The following MYPN variants were observed in gnomAD, a reference collection of about 807,000 sequenced individuals.
MYPN encodes the protein sarcomeric protein myopalladin, 145 kDa (MYOP).
Under a neutral mutation model 129.4 loss-of-function variants are expected in MYPN, and 63 were observed. The ratio of observed to expected loss-of-function variants is 0.49; its 90% confidence interval spans 0.40 to 0.60. The LOEUF (loss-of-function observed/expected upper bound fraction) is 0.60, where lower values mean the gene tolerates loss of function less well. Ranked by LOEUF, MYPN falls within the 20% of genes least tolerant of loss-of-function variation. MYPN has a pLI of 0.00. For synonymous variants in MYPN, 629 were observed against 600.9 expected, an observed-to-expected ratio of 1.05 and a Z score of -0.68; for missense variants, 1,596 against 1,635.4, an observed-to-expected ratio of 0.98 and a Z score of 0.42.
chr10:68,174,702 C>T (rs1395486178), intron 11 of MYPN, 46 bp downstream of exon 11: 16 of 1,564,266 alleles, frequency 1.0e-5, no homozygotes, highest in African/African-American at 1.4e-5. Context: ...AGTTAAGAGT[C>T]GATGTGCACA....
At chr10:68,091,803 C>T (rs2041932485) in intron 1 of MYPN, among the ~76,000 whole-genome samples, 1 of 149,770 alleles carries the variant, frequency 6.7e-6, no homozygotes, top group Non-Finnish European at 1.5e-5. Flanking sequence ...ATTTTGTCCT[C>T]TTTATAAAAA....
Position 68,158,585 on chromosome 10 carries a change from A to G in MYPN, c.1417A>G (p.Thr473Ala). 1 of 1,603,098 alleles carries G rather than the reference A, an allele frequency of 6.2e-7. No individual in the cohort carries two copies. Among genetic ancestry groups the G allele is most frequent in the Non-Finnish European group, 8.5e-7 (1 of 1,170,214 alleles). Reference sequence around the variant, plus strand: ...TAAGGTTGAGTGGTATAGAGAAGGGACTTTAATAGAAGATTCTCCAGATTT... The same window carrying G: ...TAAGGTTGAGTGGTATAGAGAAGGGGCTTTAATAGAAGATTCTCCAGATTT... ...SPKVEWYREG[T>A]LIEDSPDFRI... Residue 473 changes from threonine to alanine, a missense_variant, in exon 7 of 20, where the codon ACT (threonine) becomes GCT (alanine). Coordinates refer to ENST00000358913, the MANE Select transcript of MYPN (RefSeq NM_032578.4).
chr10:68,153,535 C>T (rs61857532), intron 6 of MYPN, among the ~76,000 whole-genome samples: 20,436 of 152,142 alleles, frequency 0.13, 1,695 homozygotes, highest in Middle Eastern at 0.22. Flanking sequence ...CAAACCCTGA[C>T]GAGGCTTTCT....
chr10:68,095,815 G>GA (rs1171531621), intron 1 of MYPN, among the ~76,000 whole-genome samples: 2 of 152,128 alleles, frequency 1.3e-5, no homozygotes, highest in African/African-American at 2.4e-5. Flanking sequence ...TTTGCGAGAT[G>GA]AAAAAGATTC....
At chr10:68,188,037 A>T (rs985184122) in intron 12 of MYPN, among the ~76,000 whole-genome samples, 1 of 147,560 alleles carries the variant, frequency 6.8e-6, no homozygotes, top group Non-Finnish European at 1.5e-5. Context: ...GGATTATTTC[A>T]CATGGTTTTG....
In MYPN at chr10:68,210,449, A is replaced by G; in HGVS notation, c.3957A>G (p.Glu1319=). Residue 1319 remains glutamate, a synonymous_variant, in exon 20 of 20, where the codon GAA becomes GAG. Transcript: ENST00000358913. ...CSSRSVVESD[E]L ...CTCGGAGTGTAGTGGAGAGTGATGA[A>G]CTTTAAGAATGTCTAGGTACCTGCT... The G allele has an allele frequency of 6.2e-7, 1 of 1,614,080 alleles. No homozygotes were observed. The highest frequency in any genetic ancestry group is 8.5e-7 in the Non-Finnish European group (1 of 1,179,986).
At chr10:68,190,960 A>G (rs1180046173) in intron 13 of MYPN, among the ~76,000 whole-genome samples, 1 of 152,044 alleles carries the variant, frequency 6.6e-6, no homozygotes, top group Non-Finnish European at 1.5e-5. Flanking sequence ...CTCTCAATGT[A>G]TGTTCTTGGC....
chr10:68,161,610 T>C (rs2042977850), intron 7 of MYPN, 119 bp from the exon 8 acceptor site: 1 of 742,870 alleles, frequency 1.3e-6, no homozygotes, highest in East Asian at 2.6e-5. Context: ...TGTCACATAA[T>C]CTTATTGTAT....
At chr10:68,100,757 C>G (rs1221670354) in intron 1 of MYPN, among the ~76,000 whole-genome samples, 1 of 152,178 alleles carries the variant, frequency 6.6e-6, no homozygotes, top group Non-Finnish European at 1.5e-5. Flanking sequence ...AAGAATTCCC[C>G]TATACCAATT....
chr10:68,148,417 C>A lies in MYPN; in HGVS notation c.1195C>A (p.Pro399Thr). The A allele has an allele frequency of 6.2e-7, 1 of 1,614,138 alleles. No homozygotes were observed. Among genetic ancestry groups the A allele is most frequent in the Non-Finnish European group, 8.5e-7 (1 of 1,179,976 alleles). The change falls in exon 5 of 20, where the codon CCC becomes ACC. Residue 399 changes from proline (P) to threonine (T), a missense_variant. Physicochemically the swap from Pro to Thr is conservative, Grantham distance 38. Coordinates refer to ENST00000358913, the MANE Select transcript of MYPN (RefSeq NM_032578.4). ...CTCTGCAGTCATTCCTCCAGCAGTA[C>A]CCCAAGCCCAGCATTTGGTGGCCCA... is the stretch of plus-strand genomic sequence containing the variant. Reference protein sequence around the residue: ...TTSAVIPPAVPQAQHLVAQPR... With the variant: ...TTSAVIPPAVTQAQHLVAQPR...
At chr10:68,130,386 G>A (rs1376146839) in intron 2 of MYPN, among the ~76,000 whole-genome samples, 10 of 151,726 alleles carry the variant, frequency 6.6e-5, no homozygotes, top group African/African-American at 2.4e-4. Flanking sequence ...CTTGAACCCG[G>A]GAGATGGAGG....
chr10:68,145,570 A>T, intron 4 of MYPN, 44 bp downstream of exon 4: 1 of 1,497,636 alleles, frequency 6.7e-7, no homozygotes, highest in Non-Finnish European at 9.3e-7. Context: ...TCCTCAGATC[A>T]ATTAATAGCT....
chr10:68,201,733 A>G, intron 17 of MYPN, 96 bp from the exon 18 acceptor site: 3 of 1,403,236 alleles, frequency 2.1e-6, no homozygotes, highest in Non-Finnish European at 2.9e-6. Context: ...GTGAGCTGAG[A>G]TCTTGCCACC....
intron 6 of MYPN, among the ~76,000 whole-genome samples, chr10:68,156,300 G>T (rs2042872188): frequency 6.6e-6 from 1 of 152,158 alleles, no homozygotes; most frequent in Admixed American, 6.5e-5. Context: ...CCCCAAAGCT[G>T]CCATTTGAGC....
At chr10:68,137,709 A>G (rs1564656111) in intron 2 of MYPN, among the ~76,000 whole-genome samples, 1 of 152,194 alleles carries the variant, frequency 6.6e-6, no homozygotes. Context: ...CCAAACTTCT[A>G]ATTTTCCCTT....
In MYPN at chr10:68,182,477, C is replaced by T. The variant is rs367846611; in HGVS notation, c.2704-6428C>T. On this transcript the variant is annotated intron_variant, in intron 12 of 19. Transcript: ENST00000358913. The stretch of plus-strand genomic sequence containing the variant: ...CATATATATATAACATATATACACA[C>T]ACACACACACACACACACACATATA... Among the ~76,000 whole-genome samples the T allele has an allele frequency of 1.6e-3, 212 of 129,874 alleles. 4 individuals are homozygous for T. The Middle Eastern group carries it at 0.031, about 19-fold the overall frequency. The allele number at this position is 129,874 out of a possible 152,430, so 85.2% of individuals were successfully genotyped here.
intron 1 of MYPN, among the ~76,000 whole-genome samples, chr10:68,097,733 A>G (rs1459253316): frequency 6.6e-6 from 1 of 151,504 alleles, no homozygotes; most frequent in African/African-American, 2.4e-5. Context: ...TAATTATAGC[A>G]TTTATTTGAT....
intron 8 of MYPN, among the ~76,000 whole-genome samples, chr10:68,164,252 T>C (rs1415801312): frequency 6.6e-6 from 1 of 152,198 alleles, no homozygotes; most frequent in African/African-American, 2.4e-5. Context: ...TGCCATTCCA[T>C]GGCAGAAGGC....
chr10:68,186,764 G>A (rs578174823), intron 12 of MYPN, among the ~76,000 whole-genome samples: 55 of 152,152 alleles, frequency 3.6e-4, no homozygotes, highest in Non-Finnish European at 5.7e-4. Context: ...CTGCTCTAGC[G>A]GAGCTAACAT....
Sources: allele counts gnomAD v4.1 joint callset (sites outside exome capture counted in the v4.1 genomes callset), GRCh38; gene constraint gnomAD v4.1.1; transcripts MANE v1.5; gene names NCBI Gene and HGNC (gene_info 2026-07-23, HGNC 2026-07-21).